PALM2AKAP2: variants seen among roughly 807,000 people sequenced by gnomAD.
The protein encoded by PALM2AKAP2 is PALM2 and AKAP2 fusion.
In PALM2AKAP2, 37 loss-of-function variants were observed where a neutral mutation model predicts 71.5. The observed-to-expected ratio is 0.52, with a 90% CI of 0.40 to 0.68. The LOEUF (loss-of-function observed/expected upper bound fraction) is 0.68, where lower values mean the gene tolerates loss of function less well. PALM2AKAP2 is among the 30% of genes least tolerant of loss of function. The probability of loss-of-function intolerance (pLI) is 0.00; values close to 1 mark genes in which losing one functional copy is unlikely to be tolerated. For synonymous variants in PALM2AKAP2, 468 were observed against 478.8 expected, an observed-to-expected ratio of 0.98 and a Z score of 0.29; for missense variants, 1,224 against 1,191.8, an observed-to-expected ratio of 1.03 and a Z score of -0.40.
intron 1 of PALM2AKAP2, among the ~76,000 whole-genome samples, chr9:109,702,405 T>C (rs1587873957): frequency 6.6e-6 from 1 of 152,186 alleles, no homozygotes; most frequent in East Asian, 1.9e-4. Context: ...TGGAATACTA[T>C]GCTGCCATAA....
chr9:110,046,102 C>G (rs906224507), upstream of PALM2AKAP2, among the ~76,000 whole-genome samples: 2 of 152,170 alleles, frequency 1.3e-5, no homozygotes, highest in African/African-American at 4.8e-5. Flanking sequence ...AATTGGGAAC[C>G]ACTGGCCTAG....
chr9:109,982,917 C>G (rs1354462200), intron 6 of PALM2AKAP2, among the ~76,000 whole-genome samples: 1 of 152,194 alleles, frequency 6.6e-6, no homozygotes, highest in Admixed American at 6.5e-5. Context: ...AGCCACTGCA[C>G]CTGGTCTTTA....
At position 110,054,328 on chromosome 9, in the gene PALM2AKAP2, G is replaced by C. The variant is rs139910608; in HGVS notation, c.156+5473G>C. Among the ~76,000 whole-genome samples the C allele has an allele frequency of 5.2e-3, 792 of 152,270 alleles. 6 individuals carry two copies. The highest frequency in any genetic ancestry group is 0.031 in the Middle Eastern group (9 of 294). Reference sequence around the variant, plus strand: ...GCAGGAGGATCGCTTGAACCCAGGAGGCAGAGGTTGCGGTGGGCCGACATG... The same window carrying C: ...GCAGGAGGATCGCTTGAACCCAGGACGCAGAGGTTGCGGTGGGCCGACATG... On this transcript the variant is annotated intron_variant, in intron 1 of 3. Transcript: ENST00000374525.
intron 1 of PALM2AKAP2, among the ~76,000 whole-genome samples, chr9:109,754,948 C>G (rs1417798765): frequency 6.6e-6 from 1 of 152,112 alleles, no homozygotes; most frequent in Admixed American, 6.6e-5. Flanking sequence ...GACTCCAAAC[C>G]TAGTCATCAT....
chr9:109,833,674 C>T (rs956381473), intron 1 of PALM2AKAP2, among the ~76,000 whole-genome samples: 3 of 152,106 alleles, frequency 2.0e-5, no homozygotes, highest in African/African-American at 7.2e-5. Flanking sequence ...GTGGGACTGC[C>T]CTAAACAGTA....
intron 6 of PALM2AKAP2, among the ~76,000 whole-genome samples, chr9:109,956,229 T>G (rs919653665): frequency 3.3e-5 from 5 of 152,102 alleles, no homozygotes; most frequent in Admixed American, 1.3e-4. Context: ...GGTCTCAAAC[T>G]TCTGACCTCA....
chr9:109,897,031 A>C (rs1830218938), intron 3 of PALM2AKAP2, among the ~76,000 whole-genome samples: 1 of 152,132 alleles, frequency 6.6e-6, no homozygotes, highest in African/African-American at 2.4e-5. Flanking sequence ...TAGTGACAGG[A>C]AAATGTGGAT....
chr9:110,033,741 A>C (rs1372233985), intron 7 of PALM2AKAP2, among the ~76,000 whole-genome samples: 1 of 152,210 alleles, frequency 6.6e-6, no homozygotes, highest in African/African-American at 2.4e-5. Flanking sequence ...AATAGTTTTG[A>C]TCCTGGGAGC....
At chr9:109,783,267 C>A (rs560785277) in intron 1 of PALM2AKAP2, among the ~76,000 whole-genome samples, 1 of 151,796 alleles carries the variant, frequency 6.6e-6, no homozygotes, top group South Asian at 2.1e-4. Flanking sequence ...GTATTGCTGT[C>A]TTGTCCTGTG....
intron 7 of PALM2AKAP2, among the ~76,000 whole-genome samples, chr9:110,021,769 A>G (rs2132369201): frequency 6.6e-6 from 1 of 151,564 alleles, no homozygotes; most frequent in Admixed American, 6.6e-5. Flanking sequence ...GGTATGGATC[A>G]GTATTTCTTG....
At chr9:109,977,045 CA>C (rs1353900392) in intron 6 of PALM2AKAP2, among the ~76,000 whole-genome samples, 1 of 151,706 alleles carries the variant, frequency 6.6e-6, no homozygotes, top group Non-Finnish European at 1.5e-5. Context: ...AAAAAAAAAG[CA>C]AGCAGATTTC....
At chr9:109,828,966 A>G (rs1828226454) in intron 1 of PALM2AKAP2, among the ~76,000 whole-genome samples, 1 of 152,260 alleles carries the variant, frequency 6.6e-6, no homozygotes, top group Admixed American at 6.5e-5. Context: ...GTTTTTTGAC[A>G]GTGGACTCTT....
chr9:109,792,848 G>A (rs1302333258), intron 1 of PALM2AKAP2, among the ~76,000 whole-genome samples: 2 of 152,012 alleles, frequency 1.3e-5, no homozygotes, highest in African/African-American at 4.8e-5. Context: ...ATTCCATGGG[G>A]ACATATTTAT....
chr9:109,992,296 T>C (rs944997538), intron 6 of PALM2AKAP2, among the ~76,000 whole-genome samples: 6 of 152,210 alleles, frequency 3.9e-5, no homozygotes, highest in African/African-American at 1.2e-4. Context: ...CCCAGTTATA[T>C]TGGATTAAGG....
At chr9:110,053,151 T>A (rs1833745949) in intron 1 of PALM2AKAP2, among the ~76,000 whole-genome samples, 1 of 152,148 alleles carries the variant, frequency 6.6e-6, no homozygotes. Context: ...TCGCCTCCTT[T>A]TCCCTTTCGT....
At chr9:110,104,009 C>A (rs1437031198) in intron 1 of PALM2AKAP2, among the ~76,000 whole-genome samples, 9 of 152,218 alleles carry the variant, frequency 5.9e-5, no homozygotes, top group African/African-American at 2.2e-4. Context: ...TCAGCCACAT[C>A]TTCTTTAGGA....
chr9:109,699,139 A>T (rs1828016329), intron 1 of PALM2AKAP2, among the ~76,000 whole-genome samples: 1 of 152,248 alleles, frequency 6.6e-6, no homozygotes, highest in African/African-American at 2.4e-5. Flanking sequence ...ATGGGCAAAG[A>T]CACAAACAGA....
chr9:109,942,845 C>T (rs1203612026), intron 6 of PALM2AKAP2: 2 of 1,614,018 alleles, frequency 1.2e-6, no homozygotes, highest in Admixed American at 1.7e-5. Context: ...TCAGGAGGCA[C>T]CGTAGTAGAA....
intron 1 of PALM2AKAP2, among the ~76,000 whole-genome samples, chr9:109,704,252 G>A (rs887416687): frequency 2.6e-5 from 4 of 152,202 alleles, no homozygotes; most frequent in African/African-American, 9.7e-5. Context: ...CTATGACCAT[G>A]AAGTCAGCAG....
Sources: gnomAD v4.1 joint callset for allele counts (sites outside exome capture counted in the v4.1 genomes callset) on GRCh38, gnomAD v4.1.1 for gene constraint, MANE v1.5 for transcripts, NCBI Gene and HGNC (gene_info 2026-07-23, HGNC 2026-07-21) for gene names.